The following OSMR variants were observed in gnomAD, a reference collection of about 807,000 sequenced individuals.
OSMR encodes the protein oncostatin-M-specific receptor subunit beta.
OSMR carries 81 observed loss-of-function variants against 99.9 expected under a neutral mutation model. That is an observed-to-expected ratio of 0.81 (90% CI 0.68 to 0.97). OSMR has a LOEUF of 0.97. Ranked by LOEUF, OSMR falls within the 50% of genes least tolerant of loss-of-function variation. The probability of loss-of-function intolerance (pLI) is 0.00; values close to 1 mark genes in which losing one functional copy is unlikely to be tolerated. For missense variants in OSMR, 1,099 were observed against 1,153.4 expected (o/e 0.95, Z 0.68); for synonymous variants, 406 against 410.4 (o/e 0.99, Z 0.13).
intron 7 of OSMR, among the ~76,000 whole-genome samples, chr5:38,897,803 T>G (rs1027034189): frequency 6.6e-6 from 1 of 152,170 alleles, no homozygotes; most frequent in African/African-American, 2.4e-5. Flanking sequence ...CTTATAGGTT[T>G]TGGTGCATTG....
At chr5:38,912,115 A>C (rs1745627661) in intron 9 of OSMR, among the ~76,000 whole-genome samples, 1 of 152,196 alleles carries the variant, frequency 6.6e-6, no homozygotes, top group African/African-American at 2.4e-5. Context: ...AAAAAGAGGA[A>C]GTCAGAAGTC....
Position 38,934,753 on chromosome 5 carries a change from C to T in OSMR, c.*1309C>T, listed in dbSNP as rs1746938551. On this transcript the variant is annotated 3_prime_UTR_variant, in exon 18 of 18. Coordinates refer to ENST00000274276, the MANE Select transcript of OSMR (RefSeq NM_003999.3). Reference sequence around the variant, plus strand: ...CTCCTGACCGCAGGTGATCCACCTGCCTCAGCTTCCCCAAGGGCTGGGATT... The same window carrying T: ...CTCCTGACCGCAGGTGATCCACCTGTCTCAGCTTCCCCAAGGGCTGGGATT... 6.6e-6 allele frequency: 1 copy of T among 152,224 alleles called. No homozygotes were observed. Among genetic ancestry groups the T allele is most frequent in the Non-Finnish European group, 1.5e-5 (1 of 68,064 alleles). 9.4% of individuals were successfully genotyped at this position (152,224 alleles called of 1,614,324 possible). A position where few individuals can be genotyped will look rare whatever the true frequency, so the allele number is the denominator to read the frequency against.
At chr5:38,854,600 G>A (rs1264814979) in intron 1 of OSMR, among the ~76,000 whole-genome samples, 4 of 152,112 alleles carry the variant, frequency 2.6e-5, no homozygotes, top group Non-Finnish European at 4.4e-5. Context: ...AAAGTAGAAA[G>A]GCCTGAACAG....
At chr5:38,943,882 C>T (rs1467995665) in intron 1 of OSMR, among the ~76,000 whole-genome samples, 1 of 152,042 alleles carries the variant, frequency 6.6e-6, no homozygotes, top group Non-Finnish European at 1.5e-5. Context: ...CTTTTAAGAA[C>T]CACTGCTTTA....
intron 7 of OSMR, among the ~76,000 whole-genome samples, chr5:38,890,839 C>T (rs1744109922): frequency 6.6e-6 from 1 of 151,912 alleles, no homozygotes; most frequent in Non-Finnish European, 1.5e-5. Context: ...AAAAACAAGC[C>T]TGGGGACGTT....
intron 2 of OSMR, among the ~76,000 whole-genome samples, chr5:38,875,357 T>G (rs1369078655): frequency 6.6e-6 from 1 of 152,212 alleles, no homozygotes; most frequent in Non-Finnish European, 1.5e-5. Context: ...TTAACTCACT[T>G]AGTCAGGACA....
intron 7 of OSMR, among the ~76,000 whole-genome samples, chr5:38,896,257 A>G (rs976043394): frequency 6.6e-6 from 1 of 152,110 alleles, no homozygotes; most frequent in Non-Finnish European, 1.5e-5. Flanking sequence ...CATTTTAACA[A>G]TATTGATTCT....
intron 1 of OSMR, among the ~76,000 whole-genome samples, chr5:38,866,100 G>C (rs572131953): frequency 6.6e-6 from 1 of 152,312 alleles, no homozygotes; most frequent in East Asian, 1.9e-4. Flanking sequence ...CAGGACTCCA[G>C]AAAGTGTGAG....
intron 15 of OSMR, among the ~76,000 whole-genome samples, chr5:38,930,923 TGTGTG>T (rs1561414346): frequency 2.4e-4 from 6 of 25,362 alleles, no homozygotes; most frequent in Admixed American, 1.0e-3. Context: ...AAGCATTTTG[TGTGTG>T]TGTGTGTGTG....
At chr5:38,941,499 A>G in intron 1 of OSMR, 2 of 231,684 alleles carry the variant, frequency 8.6e-6, no homozygotes, top group East Asian at 1.2e-4. Flanking sequence ...AAAGTTGATG[A>G]AAGTGGAAGT....
chr5:38,870,429 T>G (rs1344078988), intron 2 of OSMR, among the ~76,000 whole-genome samples: 1 of 151,252 alleles, frequency 6.6e-6, no homozygotes, highest in Non-Finnish European at 1.5e-5. Flanking sequence ...CCTCCCAGGT[T>G]CAAGCAATTC....
intron 1 of OSMR, chr5:38,944,159 TAAAAAAGTGAGA>T (rs1448687226): frequency 1.4e-5 from 7 of 490,200 alleles, no homozygotes; most frequent in African/African-American, 9.7e-5. Context: ...TTTCCAAAAG[TAAAAAAGTGAGA>T]AGAGTGGCAT....
At position 38,925,334 on chromosome 5, in the gene OSMR, T is replaced by G. The variant is rs915777857; in HGVS notation, c.2175T>G (p.Ser725Arg). ...TPFTSAGEGP[S>R]ATFTKVTTPD... ...TCACTAGTGCTGGTGAAGGCCCCAG[T>G]GCTACGTTCACGAAGGTCACGACTC... Residue 725 changes from serine (S) to arginine (R), a missense_variant, in exon 15 of 18, where the codon AGT (serine) becomes AGG (arginine). By Grantham distance (110) the Ser-to-Arg change is moderately radical. Coordinates refer to ENST00000274276, the MANE Select transcript of OSMR (RefSeq NM_003999.3). 2 of 1,614,038 alleles carry G rather than the reference T, an allele frequency of 1.2e-6. No homozygotes were observed. The highest frequency in any genetic ancestry group is 1.3e-5 in the African/African-American group (1 of 74,928).
chr5:38,870,330 C>CTTTTTTTTTTTTTTTTTTTTTTTTTTTT (rs374861159), intron 2 of OSMR, among the ~76,000 whole-genome samples: 1 of 115,140 alleles, frequency 8.7e-6, no homozygotes. Context: ...GAATGATTTT[C>CTTTTTTTTTTTTTTTTTTTTTTTTTTTT]TTTTTTTTTT....
chr5:38,891,229 CAG>C (rs780686413), intron 7 of OSMR, among the ~76,000 whole-genome samples: 3 of 152,118 alleles, frequency 2.0e-5, no homozygotes, highest in Non-Finnish European at 4.4e-5. Flanking sequence ...GCAGAGCAAA[CAG>C]AATATTAAAT....
chr5:38,892,683 T>C (rs1178974043), intron 7 of OSMR, among the ~76,000 whole-genome samples: 1 of 152,196 alleles, frequency 6.6e-6, no homozygotes, highest in Non-Finnish European at 1.5e-5. Context: ...GAGATTATGC[T>C]GTGAAACCAC....
chr5:38,877,050 A>C (rs1023235096), intron 3 of OSMR, among the ~76,000 whole-genome samples: 2 of 152,232 alleles, frequency 1.3e-5, no homozygotes, highest in African/African-American at 4.8e-5. Flanking sequence ...GCACTAGGAC[A>C]CATGAGTGGT....
chr5:38,906,407 A>T (rs181935346), intron 9 of OSMR, among the ~76,000 whole-genome samples: 5 of 152,316 alleles, frequency 3.3e-5, no homozygotes, highest in African/African-American at 7.2e-5. Flanking sequence ...CTTTATGTGT[A>T]TTATAACCAT....
chr5:38,896,272 A>G (rs1176062212), intron 7 of OSMR, among the ~76,000 whole-genome samples: 1 of 152,074 alleles, frequency 6.6e-6, no homozygotes, highest in Non-Finnish European at 1.5e-5. Context: ...GATTCTTCCC[A>G]TCTATGAACA....
Sources: gnomAD v4.1 joint callset for allele counts (sites outside exome capture counted in the v4.1 genomes callset) on GRCh38, gnomAD v4.1.1 for gene constraint, MANE v1.5 for transcripts, NCBI Gene and HGNC (gene_info 2026-07-23, HGNC 2026-07-21) for gene names.